Variants in IGF1R observed in about 807,000 individuals in gnomAD.
IGF1R encodes the protein insulin-like growth factor 1 receptor.
IGF1R carries 44 observed loss-of-function variants against 144.6 expected under a neutral mutation model. The ratio of observed to expected loss-of-function variants is 0.30; its 90% CI spans 0.24 to 0.39. The LOEUF (loss-of-function observed/expected upper bound fraction) is 0.39. IGF1R is among the 10% of genes least tolerant of loss of function. The probability of loss-of-function intolerance (pLI) is 1.00; values close to 1 mark genes in which losing one functional copy is unlikely to be tolerated. For synonymous variants in IGF1R, 795 were observed against 722.8 expected, an observed-to-expected ratio of 1.10 and a Z score of -1.60; for missense variants, 1,355 against 1,833.7, an observed-to-expected ratio of 0.74 and a Z score of 4.77.
chr15:98,821,092 G>A (rs1381331090), intron 2 of IGF1R, among the ~76,000 whole-genome samples: 1 of 152,152 alleles, frequency 6.6e-6, no homozygotes, highest in Non-Finnish European at 1.5e-5. Flanking sequence ...TTAAGTAGAT[G>A]AACTAGAAGA....
chr15:98,917,054 C>G (rs2015286361), intron 10 of IGF1R, 178 bp downstream of exon 10: 2 of 693,730 alleles, frequency 2.9e-6, no homozygotes, highest in African/African-American at 3.5e-5. Context: ...GGAAGCCAGT[C>G]AGCCCTGAAG....
intron 19 of IGF1R, among the ~76,000 whole-genome samples, 153 bp from the exon 20 acceptor site, chr15:98,948,421 C>T (rs1470221060): frequency 6.6e-6 from 1 of 152,196 alleles, no homozygotes; most frequent in Non-Finnish European, 1.5e-5. Flanking sequence ...ATATCCCGCA[C>T]TTAGCCCAGG....
At chr15:98,841,002 C>T (rs1395356883) in intron 2 of IGF1R, among the ~76,000 whole-genome samples, 1 of 152,176 alleles carries the variant, frequency 6.6e-6, no homozygotes, top group Non-Finnish European at 1.5e-5. Context: ...TCTTGACTTC[C>T]TTTCGCTTGT....
rs542727937 is a variant in IGF1R, at chr15:98,654,785, A to G, written c.94+5110A>G. On this transcript the variant is annotated intron_variant, in intron 1 of 20. Coordinates refer to ENST00000650285, the MANE Select transcript of IGF1R (RefSeq NM_000875.5). ...TACTAAATATATAATAGTTGCACAC[A>G]TGTTACGGATATAGTTTCTTGATTT... 2.0e-5 allele frequency among the ~76,000 whole-genome samples: 3 copies of G among 146,760 alleles called. No homozygotes were observed. The South Asian group carries it at 6.2e-4, about 30-fold the overall frequency.
At position 98,962,448 on chromosome 15, in the gene IGF1R, A is replaced by C. The variant is rs2017263201; in HGVS notation, c.*5006A>C. ...AAAGACACTTTCTTTCTTCACTCTG[A>C]AGTAGCTGGTGGTACAAATGAGAAC... On this transcript the variant is annotated 3_prime_UTR_variant, in exon 21 of 21. Coordinates refer to ENST00000650285, the MANE Select transcript of IGF1R (RefSeq NM_000875.5). 1 of 233,692 alleles carries C rather than the reference A, an allele frequency of 4.3e-6. No homozygotes were observed. Among genetic ancestry groups the C allele is most frequent in the East Asian group, 6.0e-5 (1 of 16,612 alleles). The allele number at this position is 233,692 out of a possible 1,614,324, so 14.5% of individuals were successfully genotyped here.
intron 2 of IGF1R, among the ~76,000 whole-genome samples, chr15:98,708,494 A>G (rs1375156753): frequency 6.6e-6 from 1 of 152,180 alleles, no homozygotes; most frequent in Non-Finnish European, 1.5e-5. Flanking sequence ...GGGGCTGCTT[A>G]TGTGTCAGCT....
At position 98,875,872 on chromosome 15, in the gene IGF1R, C is replaced by T. The variant is rs149219729; in HGVS notation, c.641-15453C>T. Among the ~76,000 whole-genome samples the T allele has an allele frequency of 6.9e-4, 105 of 152,166 alleles. 1 individual carries two copies. The highest frequency in any genetic ancestry group is 1.2e-3 in the Non-Finnish European group (81 of 68,014). On this transcript the variant is annotated intron_variant, in intron 2 of 20. Coordinates refer to ENST00000650285, the MANE Select transcript of IGF1R (RefSeq NM_000875.5). ...GGCCCAGAGTGGTCAGATAGTTTGC[C>T]GGGGCATAGGATGGATGACAGGCCT... is the stretch of plus-strand genomic sequence containing the variant.
chr15:98,853,098 T>C (rs970014044), intron 2 of IGF1R, among the ~76,000 whole-genome samples: 3 of 152,218 alleles, frequency 2.0e-5, no homozygotes, highest in African/African-American at 4.8e-5. Context: ...TTCTCGTTAT[T>C]GTTGCTGGTT....
rs539621445 is a variant in IGF1R at position 98,813,653 on chromosome 15, C to T, written c.641-77672C>T. Among the ~76,000 whole-genome samples, 9 of 152,336 alleles carry T rather than the reference C, an allele frequency of 5.9e-5. No individual in the cohort carries two copies. In the South Asian group the frequency reaches 1.9e-3, roughly 32 times the overall value. Reference sequence around the variant, plus strand: ...TCTTTTAACTGTTGGCCTCACCGTACCTGAATAGCAGTAAACCCTACATCT... The same window carrying T: ...TCTTTTAACTGTTGGCCTCACCGTATCTGAATAGCAGTAAACCCTACATCT... On this transcript the variant is annotated intron_variant, in intron 2 of 20. Coordinates refer to ENST00000650285, the MANE Select transcript of IGF1R (RefSeq NM_000875.5).
chr15:98,794,864 C>G (rs549182082), intron 2 of IGF1R, among the ~76,000 whole-genome samples: 7 of 152,302 alleles, frequency 4.6e-5, no homozygotes, highest in African/African-American at 1.7e-4. Context: ...GCCCCTTAAC[C>G]ACTGCTGCTG....
intron 1 of IGF1R, among the ~76,000 whole-genome samples, chr15:98,692,767 T>TG (rs2053507201): frequency 6.6e-6 from 1 of 152,144 alleles, no homozygotes; most frequent in African/African-American, 2.4e-5. Flanking sequence ...CATTTAAAAA[T>TG]GGAGTTAGTG....
At chr15:98,678,494 C>G (rs1484607318) in intron 1 of IGF1R, among the ~76,000 whole-genome samples, 2 of 41,926 alleles carry the variant, frequency 4.8e-5, no homozygotes, top group Non-Finnish European at 1.9e-4. Context: ...GAGGCTGACA[C>G]TTAAAAAAAA....
chr15:98,800,360 T>C (rs1743118762), intron 2 of IGF1R, among the ~76,000 whole-genome samples: 2 of 152,128 alleles, frequency 1.3e-5, no homozygotes, highest in African/African-American at 2.4e-5. Context: ...CTGCATAAAG[T>C]CTGTAGATGG....
chr15:98,958,727 T>C lies in IGF1R; in HGVS notation c.*1285T>C, dbSNP rs1172534391. 1 of 232,336 alleles carries C rather than the reference T, an allele frequency of 4.3e-6. No individual in the cohort carries two copies. The highest frequency in any genetic ancestry group is 6.1e-5 in the East Asian group (1 of 16,450). The allele number at this position is 232,336 out of a possible 1,614,324, so 14.4% of individuals were successfully genotyped here. A position where few individuals can be genotyped will look rare whatever the true frequency, so the allele number is the denominator to read the frequency against. On this transcript the variant is annotated 3_prime_UTR_variant, in exon 21 of 21. Transcript: ENST00000650285. ...AAAAAAAAAGCTGCTATTTTTTTTG[T>C]TCTTGATCTTTGTGGATTTAATCTA...
Position 98,811,347 on chromosome 15 carries a change from C to T in IGF1R, c.641-79978C>T, listed in dbSNP as rs188611295. Among the ~76,000 whole-genome samples the T allele has an allele frequency of 3.8e-3, 552 of 145,744 alleles. 6 individuals are homozygous for T. Among genetic ancestry groups the T allele is most frequent in the African/African-American group, 0.01 (406 of 39,136 alleles). ...CATCCTGGCTAACACGGTGAAACCCCGTCTCCACTAAAAATACAAAAAAAA... is the reference window on the plus strand; with the variant it reads ...CATCCTGGCTAACACGGTGAAACCCTGTCTCCACTAAAAATACAAAAAAAA... On this transcript the variant is annotated intron_variant, in intron 2 of 20. Transcript: ENST00000650285.
intron 5 of IGF1R, among the ~76,000 whole-genome samples, chr15:98,900,235 C>T (rs1234953488): frequency 6.6e-5 from 10 of 152,152 alleles, no homozygotes; most frequent in African/African-American, 2.2e-4. Flanking sequence ...GGATAAAAGC[C>T]GGTGCTTATT....
In IGF1R at chr15:98,964,052, G is replaced by C. The variant is rs868607620; in HGVS notation, c.*6610G>C. On this transcript the variant is annotated 3_prime_UTR_variant, in exon 21 of 21. Transcript: ENST00000650285. The stretch of plus-strand genomic sequence containing the variant: ...GAAGAGACGCCCGGTGAAAACACCT[G>C]TCTGCTTTCTAAGCCAGTGAGGTTG... 1 of 233,290 alleles carries C rather than the reference G, an allele frequency of 4.3e-6. No individual in the cohort carries two copies. The highest frequency in any genetic ancestry group is 1.3e-3 in the Middle Eastern group (1 of 780). The allele number at this position is 233,290 out of a possible 1,614,324, so 14.5% of individuals were successfully genotyped here.
At chr15:98,827,720 T>A (rs1196050852) in intron 2 of IGF1R, among the ~76,000 whole-genome samples, 2 of 152,130 alleles carry the variant, frequency 1.3e-5, no homozygotes, top group Non-Finnish European at 2.9e-5. Flanking sequence ...GTAGCTGGGA[T>A]TACATGCGCA....
chr15:98,922,231 C>A lies in IGF1R; in HGVS notation c.2285C>A (p.Thr762Asn), dbSNP rs45522834. 2 of 1,614,206 alleles carry A rather than the reference C, an allele frequency of 1.2e-6. No individual in the cohort carries two copies. Among genetic ancestry groups the A allele is most frequent in the South Asian group, 2.2e-5 (2 of 91,080 alleles). ...AGCAGGAACACCACGGCCGCAGACACCTACAACATCACCGACCCGGAAGAG... is the reference window on the plus strand; with the variant it reads ...AGCAGGAACACCACGGCCGCAGACAACTACAACATCACCGACCCGGAAGAG... ...SRSRNTTAADTYNITDPEELE... is the reference protein window; with the variant it reads ...SRSRNTTAADNYNITDPEELE... Residue 762 changes from threonine to asparagine, a missense_variant, in exon 11 of 21, where the codon ACC (threonine) becomes AAC (asparagine). By Grantham distance (65) the Thr-to-Asn change is moderately conservative (BLOSUM62 0). Transcript: ENST00000650285.
Sources: gnomAD v4.1 joint callset for allele counts (sites outside exome capture counted in the v4.1 genomes callset) on GRCh38, gnomAD v4.1.1 for gene constraint, MANE v1.5 for transcripts, NCBI Gene and HGNC (gene_info 2026-07-23, HGNC 2026-07-21) for gene names.